SLC11A2: variants seen among roughly 807,000 people sequenced by gnomAD.
The protein encoded by SLC11A2 is natural resistance-associated macrophage protein 2.
In SLC11A2, 38 loss-of-function variants were observed where a neutral mutation model predicts 68.0. The observed-to-expected ratio is 0.56, with a 90% CI of 0.43 to 0.73. SLC11A2 has a LOEUF of 0.73. Ranked by LOEUF, SLC11A2 falls within the 30% of genes least tolerant of loss-of-function variation. SLC11A2 has a pLI of 0.00. For missense variants in SLC11A2, 517 were observed against 690.5 expected, an observed-to-expected ratio of 0.75 and a Z score of 2.82; for synonymous variants, 242 against 250.6, an observed-to-expected ratio of 0.97 and a Z score of 0.32.
chr12:50,995,889 G>T, intron 9 of SLC11A2, 102 bp from the exon 10 acceptor site: 1 of 1,100,446 alleles, frequency 9.1e-7, no homozygotes, highest in Non-Finnish European at 1.4e-6. Context: ...GGGGACAAAA[G>T]TTGACCAGAC....
At chr12:50,978,647 A>T (rs558346936), downstream of SLC11A2, among the ~76,000 whole-genome samples, 9 of 152,224 alleles carry the variant, frequency 5.9e-5, no homozygotes, top group East Asian at 7.7e-4. Context: ...ATAATAATAA[A>T]AAAAAAAATG....
At chr12:50,991,386 T>C (rs1452330582) in intron 14 of SLC11A2, 7 of 593,886 alleles carry the variant, frequency 1.2e-5, no homozygotes, top group African/African-American at 1.9e-5. Context: ...CTGTAAAAGC[T>C]GAACTTTCTC....
rs886049563 is a variant in SLC11A2, at chr12:50,987,355, T to C, written c.*970A>G. 7.8e-7 allele frequency: 1 copy of C among 1,287,214 alleles called. No individual in the cohort carries two copies. Among genetic ancestry groups the C allele is most frequent in the Non-Finnish European group, 1.0e-6 (1 of 988,708 alleles). The allele number at this position is 1,287,214 out of a possible 1,614,324, so 79.7% of individuals were successfully genotyped here. A position where few individuals can be genotyped will look rare whatever the true frequency, so the allele number is the denominator to read the frequency against. ...TCATCTTGGGCATGAAGCAGAGCGG[T>C]GCATCAGAAAAACATGACGATTCTG... On this transcript the variant is annotated 3_prime_UTR_variant, in exon 16 of 16. Coordinates refer to ENST00000262052, the MANE Select transcript of SLC11A2 (RefSeq NM_000617.3).
the SLC11A2 span, among the ~76,000 whole-genome samples, chr12:50,961,481 C>T: frequency 6.6e-6 from 1 of 151,932 alleles, no homozygotes; most frequent in Admixed American, 6.6e-5. Flanking sequence ...CCTATCTGAA[C>T]AGCAAATGTA....
At chr12:50,957,496 C>T in the SLC11A2 span, among the ~76,000 whole-genome samples, 4 of 151,726 alleles carry the variant, frequency 2.6e-5, no homozygotes. Flanking sequence ...ACCATGCCCA[C>T]CCAGCCTGCA....
At chr12:51,025,071 T>G (rs1445046641) in intron 1 of SLC11A2, among the ~76,000 whole-genome samples, 2 of 152,212 alleles carry the variant, frequency 1.3e-5, no homozygotes, top group African/African-American at 2.4e-5. Flanking sequence ...AATGATAGTT[T>G]CCAACCGTAT....
At chr12:50,981,654 G>T, downstream of SLC11A2, 2 of 955,074 alleles carry the variant, frequency 2.1e-6, no homozygotes, top group South Asian at 1.4e-5. Context: ...AACTAACAGA[G>T]ACGTTAACGG....
chr12:51,007,264 G>A (rs1350039911), intron 3 of SLC11A2, among the ~76,000 whole-genome samples: 1 of 152,122 alleles, frequency 6.6e-6, no homozygotes. Context: ...CTGGGGCTGT[G>A]TCACGGGCCT....
At chr12:50,973,150 T>G in the SLC11A2 span, among the ~76,000 whole-genome samples, 28 of 152,120 alleles carry the variant, frequency 1.8e-4, no homozygotes, top group Admixed American at 8.5e-4. Flanking sequence ...GCAGTGGTTC[T>G]CCCAGCACGG....
intron 9 of SLC11A2, 26 bp from the exon 10 acceptor site, chr12:50,995,813 T>C (rs772351877): frequency 2.5e-6 from 4 of 1,611,366 alleles, no homozygotes; most frequent in African/African-American, 1.3e-5. Flanking sequence ...CAGCAGTCAC[T>C]TTTTGACCAG....
the SLC11A2 span, chr12:50,954,109 A>G: frequency 6.9e-7 from 1 of 1,451,282 alleles, no homozygotes; most frequent in Non-Finnish European, 9.6e-7. Context: ...ACAAGCCTTG[A>G]CTGGATGCAG....
At chr12:51,023,325 T>C (rs1944166356) in intron 1 of SLC11A2, among the ~76,000 whole-genome samples, 2 of 152,222 alleles carry the variant, frequency 1.3e-5, no homozygotes, top group South Asian at 4.1e-4. Flanking sequence ...CGCAAGCCTG[T>C]AGTCCCAGCA....
chr12:50,958,854 T>C, the SLC11A2 span, among the ~76,000 whole-genome samples: 1 of 151,286 alleles, frequency 6.6e-6, no homozygotes, highest in Admixed American at 6.6e-5. Flanking sequence ...TCATCTCTAC[T>C]AAAAATACAA....
At chr12:50,954,476 C>A in the SLC11A2 span, 86 of 158,644 alleles carry the variant, frequency 5.4e-4, no homozygotes, top group African/African-American at 1.9e-3. Flanking sequence ...GCATATGTCT[C>A]TTTGTCTTGT....
At chr12:50,970,443 T>G in the SLC11A2 span, 2 of 1,451,570 alleles carry the variant, frequency 1.4e-6, no homozygotes, top group East Asian at 5.0e-5. Context: ...TTTTTCTAGG[T>G]GTTCTCTATT....
At chr12:50,957,850 A>T in the SLC11A2 span, among the ~76,000 whole-genome samples, 1 of 151,824 alleles carries the variant, frequency 6.6e-6, no homozygotes, top group Non-Finnish European at 1.5e-5. Context: ...ATGCCACTGC[A>T]CTCCAGCCTT....
Position 50,991,587 on chromosome 12 carries a change from G to A in SLC11A2, c.1421+12C>T, listed in dbSNP as rs1357911130. ...CAGCATCCCCTTTGGGAACGAAGAG[G>A]AGTACACTCACAGTCCATTGGCAAA... On this transcript the variant is annotated intron_variant, in intron 14 of 15. Coordinates refer to ENST00000262052, the MANE Select transcript of SLC11A2 (RefSeq NM_000617.3). The A allele has an allele frequency of 6.2e-7, 1 of 1,610,620 alleles. No homozygotes were observed. The highest frequency in any genetic ancestry group is 8.5e-7 in the Non-Finnish European group (1 of 1,177,284).
the SLC11A2 span, among the ~76,000 whole-genome samples, chr12:50,964,156 G>A: frequency 6.6e-6 from 1 of 152,128 alleles, no homozygotes; most frequent in Non-Finnish European, 1.5e-5. Flanking sequence ...GAAAAAAATT[G>A]GGCTAATCTA....
downstream of SLC11A2, among the ~76,000 whole-genome samples, chr12:50,976,753 G>A (rs577267820): frequency 1.2e-3 from 181 of 152,298 alleles, no homozygotes; most frequent in Middle Eastern, 3.4e-3. Context: ...AAACCCCATC[G>A]TCTCAGCCCA....
Sources: gnomAD v4.1 joint callset for allele counts (sites outside exome capture counted in the v4.1 genomes callset) on GRCh38, gnomAD v4.1.1 for gene constraint, MANE v1.5 for transcripts, NCBI Gene and HGNC (gene_info 2026-07-23, HGNC 2026-07-21) for gene names.